SHF: variants seen among roughly 807,000 people sequenced by gnomAD.
The protein encoded by SHF is SH2 domain-containing adapter protein F.
A neutral mutation model predicts 42.4 loss-of-function variants in SHF; 30 were observed. The observed-to-expected ratio is 0.71, with a 90% CI of 0.53 to 0.96. The LOEUF (loss-of-function observed/expected upper bound fraction) is 0.96. Ranked by LOEUF, SHF falls within the 40% of genes least tolerant of loss-of-function variation. The pLI, the probability that SHF is intolerant of heterozygous loss-of-function variation, is 0.00. For missense variants in SHF, 598 were observed against 634.0 expected (o/e 0.94, Z 0.61); for synonymous variants, 264 against 269.9 (o/e 0.98, Z 0.21).
intron 6 of SHF, 92 bp from the exon 7 acceptor site, chr15:45,168,225 TGTG>T (rs1897312357): frequency 1.6e-6 from 2 of 1,234,522 alleles, no homozygotes; most frequent in African/African-American, 3.0e-5. Flanking sequence ...CTACAGCAAA[TGTG>T]GTGGTTCCGA....
intron 1 of SHF, among the ~76,000 whole-genome samples, chr15:45,179,938 C>T (rs553525059): frequency 5.3e-5 from 8 of 152,234 alleles, no homozygotes; most frequent in East Asian, 3.9e-4. Context: ...CTCTTCACCT[C>T]GGAGACCCCT....
intron 1 of SHF, chr15:45,200,330 T>C: frequency 5.9e-6 from 1 of 168,096 alleles, no homozygotes; most frequent in South Asian, 1.4e-4. Flanking sequence ...CGGGGTCCAT[T>C]TTCCACAATG....
At chr15:45,177,450 C>G (rs189579694) in intron 2 of SHF, among the ~76,000 whole-genome samples, 1 of 152,276 alleles carries the variant, frequency 6.6e-6, no homozygotes, top group African/African-American at 2.4e-5. Context: ...CATCCTGTTC[C>G]TCTCTTGCTC....
upstream of SHF, among the ~76,000 whole-genome samples, chr15:45,191,187 C>G (rs1297907074): frequency 6.6e-6 from 1 of 152,158 alleles, no homozygotes; most frequent in Non-Finnish European, 1.5e-5. Context: ...ACCTCAACCT[C>G]CCGCGTGTGA....
chr15:45,173,324 C>A (rs144696900), intron 4 of SHF, among the ~76,000 whole-genome samples: 2 of 152,316 alleles, frequency 1.3e-5, no homozygotes, highest in African/African-American at 4.8e-5. Context: ...AAGCTCTCCC[C>A]AAAGTGAATT....
At chr15:45,199,149 T>A in intron 1 of SHF, 3 of 1,433,248 alleles carry the variant, frequency 2.1e-6, no homozygotes, top group South Asian at 1.5e-5. Context: ...TAGAAAAAAA[T>A]TCAGCAAACG....
chr15:45,184,345 T>C (rs971237935), intron 1 of SHF, among the ~76,000 whole-genome samples: 3 of 152,236 alleles, frequency 2.0e-5, no homozygotes, highest in African/African-American at 7.2e-5. Context: ...ATATCATCTA[T>C]GAAGTACATC....
At chr15:45,173,899 T>C (rs911008855) in intron 3 of SHF, among the ~76,000 whole-genome samples, 183 bp from the exon 4 acceptor site, 2 of 152,144 alleles carry the variant, frequency 1.3e-5, no homozygotes, top group African/African-American at 2.4e-5. Flanking sequence ...AGAGCCAACG[T>C]TGACCACACC....
intron 6 of SHF, 161 bp downstream of exon 6, chr15:45,171,722 T>C (rs976550428): frequency 2.8e-6 from 2 of 716,130 alleles, no homozygotes; most frequent in Non-Finnish European, 4.6e-6. Context: ...TCTGAGCTCC[T>C]TGAGAGCAGG....
rs199591676 is a variant in SHF at position 45,196,959 on chromosome 15, G to GTAAA, written c.303+1809_303+1812dup. 1.2e-3 allele frequency among the ~76,000 whole-genome samples: 186 copies of GTAAA among 149,130 alleles called. 1 individual carries two copies. Among genetic ancestry groups the GTAAA allele is most frequent in the African/African-American group, 4.2e-3 (170 of 40,728 alleles). Reference sequence around the variant, plus strand: ...CCAGGTCATGTCCCTATTAAGGATAGTAAAAGGGAAAAAAAGAAAGAAAGA... The same window carrying GTAAA: ...CCAGGTCATGTCCCTATTAAGGATAGTAAATAAAAGGGAAAAAAAGAAAGAAAGA... On this transcript the variant is annotated intron_variant, in intron 2 of 7. Coordinates refer to the SHF transcript ENST00000290894.
intron 4 of SHF, 91 bp downstream of exon 4, chr15:45,173,485 C>A (rs933778393): frequency 1.8e-5 from 26 of 1,421,368 alleles, no homozygotes; most frequent in Non-Finnish European, 2.3e-5. Flanking sequence ...GTCTCCAAAT[C>A]CTGCCCCACC....
upstream of SHF, among the ~76,000 whole-genome samples, chr15:45,191,974 T>A (rs796840884): frequency 2.0e-5 from 3 of 152,084 alleles, no homozygotes; most frequent in African/African-American, 7.2e-5. Flanking sequence ...CTATTTACCC[T>A]TCAGCTAGAT....
chr15:45,174,962 CT>C (rs1897719884), intron 3 of SHF, among the ~76,000 whole-genome samples: 4 of 152,172 alleles, frequency 2.6e-5, no homozygotes, highest in Non-Finnish European at 5.9e-5. Flanking sequence ...GAGAAGTAGT[CT>C]AAGCCTCTTA....
chr15:45,187,987 CGGGTGGGGGGCGGGGGCGGGGGTG>C, upstream of SHF: 1 of 683,960 alleles, frequency 1.5e-6, no homozygotes, highest in Non-Finnish European at 1.7e-6. Flanking sequence ...AGCGCAGCGG[CGGGTGGGGGGCGGGGGCGGGGGTG>C]GGGAGGGGGG....
chr15:45,177,178 A>T (rs1897857721), intron 2 of SHF, among the ~76,000 whole-genome samples: 1 of 152,184 alleles, frequency 6.6e-6, no homozygotes, highest in Non-Finnish European at 1.5e-5. Flanking sequence ...TGGTTCATGC[A>T]GTCAGTGGCC....
chr15:45,198,407 A>C, intron 2 of SHF: 1 of 195,800 alleles, frequency 5.1e-6, no homozygotes, highest in South Asian at 1.5e-4. Flanking sequence ...TTTGGTAAGA[A>C]AGGGATTATA....
chr15:45,195,791 G>A (rs1447400090), intron 2 of SHF, among the ~76,000 whole-genome samples: 2 of 152,152 alleles, frequency 1.3e-5, no homozygotes, highest in Admixed American at 1.3e-4. Context: ...TGGGTGTCCA[G>A]TTCTGTCCTG....
chr15:45,171,641 GC>G (rs1201176085), intron 6 of SHF: 1 of 562,178 alleles, frequency 1.8e-6, no homozygotes, highest in East Asian at 2.9e-5. Flanking sequence ...GGTTAAGGGG[GC>G]CAGGCCACAC....
chr15:45,199,015 A>G, exon 2 of SHF: 5 of 1,605,412 alleles, frequency 3.1e-6, no homozygotes, highest in Non-Finnish European at 4.3e-6. Flanking sequence ...CTTGCCGCGA[A>G]CCCTCCAGGG....
Sources: allele counts gnomAD v4.1 joint callset (sites outside exome capture counted in the v4.1 genomes callset), GRCh38; gene constraint gnomAD v4.1.1; transcripts MANE v1.5; gene names NCBI Gene and HGNC (gene_info 2026-07-23, HGNC 2026-07-21).